The following ALG9 variants were observed in gnomAD, a reference collection of about 807,000 sequenced individuals.
ALG9 encodes the protein ALG9 alpha-1,2-mannosyltransferase.
ALG9 carries 55 observed loss-of-function variants against 81.8 expected under a neutral mutation model. The ratio of observed to expected loss-of-function variants is 0.67; its 90% confidence interval spans 0.54 to 0.84. ALG9 has a LOEUF of 0.84. Ranked by LOEUF, ALG9 falls within the 40% of genes least tolerant of loss-of-function variation. The pLI is 0.00. For missense variants in ALG9, 629 were observed against 745.0 expected, an observed-to-expected ratio of 0.84 and a Z score of 1.81; for synonymous variants, 278 against 274.3, an observed-to-expected ratio of 1.01 and a Z score of -0.13.
intron 14 of ALG9, among the ~76,000 whole-genome samples, chr11:111,809,140 A>G (rs1003509552): frequency 1.3e-5 from 2 of 152,200 alleles, no homozygotes; most frequent in Non-Finnish European, 2.9e-5. Flanking sequence ...CTTTACTTGG[A>G]TGCTTTCACT....
intron 8 of ALG9, among the ~76,000 whole-genome samples, chr11:111,846,030 C>A (rs1156860398): frequency 6.6e-6 from 1 of 152,216 alleles, no homozygotes; most frequent in Non-Finnish European, 1.5e-5. Flanking sequence ...TCATTAGGGA[C>A]ATTTTAATCT....
At chr11:111,835,743 T>A (rs1306776861) in intron 13 of ALG9, among the ~76,000 whole-genome samples, 1 of 152,174 alleles carries the variant, frequency 6.6e-6, no homozygotes, top group African/African-American at 2.4e-5. Flanking sequence ...ATACCCCTCA[T>A]CCTAAAAAAT....
chr11:111,817,246 A>G (rs1951627390), intron 13 of ALG9: 1 of 152,214 alleles, frequency 6.6e-6, no homozygotes, highest in Non-Finnish European at 1.5e-5. Context: ...TTAGAAAGAG[A>G]GGCCTATACT....
At chr11:111,858,320 A>G (rs1959038809) in intron 5 of ALG9, among the ~76,000 whole-genome samples, 1 of 151,802 alleles carries the variant, frequency 6.6e-6, no homozygotes, top group Non-Finnish European at 1.5e-5. Context: ...CAAATCAAAA[A>G]CTCATAGAAT....
Position 111,827,221 on chromosome 11 carries a change from A to C in ALG9, c.1602+8944T>G, listed in dbSNP as rs538387205. 1.1e-4 allele frequency among the ~76,000 whole-genome samples: 16 copies of C among 152,334 alleles called. 1 individual carries two copies. In the East Asian group the frequency reaches 3.1e-3, roughly 29 times the overall value. On this transcript the variant is annotated intron_variant, in intron 13 of 14. Coordinates refer to ENST00000616540, the MANE Select transcript of ALG9 (RefSeq NM_024740.2). ...GGTGGGCACAGTGGCTCACACCTGT[A>C]ATCCCAGCACTCTGGAAGGCTGAGG...
chr11:111,861,570 C>T (rs1298966030), intron 4 of ALG9, among the ~76,000 whole-genome samples: 1 of 152,134 alleles, frequency 6.6e-6, no homozygotes, highest in East Asian at 1.9e-4. Context: ...CTCCAGTGTT[C>T]AATGGAACCT....
chr11:111,838,585 G>A (rs971698548), intron 10 of ALG9, among the ~76,000 whole-genome samples, 186 bp from the exon 11 acceptor site: 5 of 152,138 alleles, frequency 3.3e-5, no homozygotes, highest in African/African-American at 9.7e-5. Flanking sequence ...GCCAGGCAGA[G>A]GGCTTGCCAA....
At position 111,853,671 on chromosome 11, in the gene ALG9, A is replaced by G; in HGVS notation, c.767T>C (p.Leu256Pro). ...CACCAGAAATAGTATGAGGGCCATC[A>G]GCGACCAATGAAAGAAACTCTTCCA... ...HRWKSFFHWS[L>P]MALILFLVPV... Residue 256 changes from leucine (L) to proline (P), a missense_variant, in exon 7 of 15, where the codon CTG (leucine) becomes CCG (proline). By Grantham distance (98) the Leu-to-Pro change is moderately conservative. Around this residue, in one of 3 missense-constraint regions of ALG9, gnomAD observed 344 missense variants for 390.5 expected, o/e 0.88. Transcript: ENST00000616540. The G allele has an allele frequency of 6.2e-7, 1 of 1,614,208 alleles. No individual in the cohort carries two copies. Among genetic ancestry groups the G allele is most frequent in the African/African-American group, 1.3e-5 (1 of 75,076 alleles).
At chr11:111,810,193 G>A (rs1324442801) in intron 13 of ALG9, among the ~76,000 whole-genome samples, 2 of 152,172 alleles carry the variant, frequency 1.3e-5, no homozygotes, top group Non-Finnish European at 2.9e-5. Flanking sequence ...TCTCCTCACA[G>A]CCATGGGAGG....
the ALG9 span, chr11:111,769,054 G>GT: frequency 1 from 150,690 of 150,690 alleles, 75,345 homozygotes; most frequent in Non-Finnish European, 1. Context: ...TATGTAAAAA[G>GT]TCACCTGGGG....
chr11:111,853,469 A>G lies in ALG9; in HGVS notation c.806T>C (p.Ile269Thr), dbSNP rs1555140728. Residue 269 changes from isoleucine to threonine, a missense_variant, in exon 8 of 15, where the codon ATT becomes ACT. By Grantham distance (89) the Ile-to-Thr change is moderately conservative. This residue lies in a region of ALG9 where 344 missense variants were observed against 390.5 expected (regional missense o/e 0.88). Transcript: ENST00000616540. ...CAACTTCCCATAATAGTAGCTGTCAATGACCACCACAGGCACCTAAAACAG... is the reference window on the plus strand; with the variant it reads ...CAACTTCCCATAATAGTAGCTGTCAGTGACCACCACAGGCACCTAAAACAG... ...LILFLVPVVV[I>T]DSYYYGKLVI... 8 of 1,614,006 alleles carry G rather than the reference A, an allele frequency of 5.0e-6. No homozygotes were observed. Among genetic ancestry groups the G allele is most frequent in the East Asian group, 2.2e-5 (1 of 44,872 alleles).
At chr11:111,870,516 G>C (rs529284076) in intron 1 of ALG9, 146 bp from the exon 2 acceptor site, 231 of 1,140,454 alleles carry the variant, frequency 2.0e-4, no homozygotes, top group Admixed American at 1.7e-3. Flanking sequence ...TGAATAGCTA[G>C]TTGTTTTTTC....
intron 14 of ALG9, among the ~76,000 whole-genome samples, chr11:111,792,066 G>A (rs1204709162): frequency 2.6e-5 from 4 of 152,224 alleles, no homozygotes; most frequent in African/African-American, 9.6e-5. Flanking sequence ...CTGGGTGACA[G>A]GGCGAGACTC....
At chr11:111,810,376 CA>C (rs1358433450) in intron 13 of ALG9, among the ~76,000 whole-genome samples, 2 of 152,088 alleles carry the variant, frequency 1.3e-5, no homozygotes, top group African/African-American at 4.8e-5. Context: ...TGTATATTAA[CA>C]AAAACAGAGT....
intron 8 of ALG9, among the ~76,000 whole-genome samples, chr11:111,852,639 T>C (rs1555139637): frequency 6.6e-6 from 1 of 152,008 alleles, no homozygotes; most frequent in East Asian, 1.9e-4. Context: ...TGTGTGTATA[T>C]ATAGAAAATG....
the ALG9 span, among the ~76,000 whole-genome samples, chr11:111,776,942 T>G: frequency 3.3e-5 from 5 of 152,226 alleles, no homozygotes; most frequent in Non-Finnish European, 7.3e-5. Context: ...TTCCCTTGAG[T>G]TACTGTGCCA....
chr11:111,833,419 T>C (rs1954714984), intron 13 of ALG9, among the ~76,000 whole-genome samples: 1 of 152,210 alleles, frequency 6.6e-6, no homozygotes, highest in Non-Finnish European at 1.5e-5. Flanking sequence ...AACATTATTT[T>C]TGCAATATAG....
intron 14 of ALG9, among the ~76,000 whole-genome samples, chr11:111,789,350 C>T (rs569824640): frequency 6.6e-6 from 1 of 152,020 alleles, no homozygotes; most frequent in South Asian, 2.1e-4. Context: ...CTCCTGAGCT[C>T]AAGCAATCCT....
At chr11:111,851,685 C>A (rs1252889243) in intron 8 of ALG9, among the ~76,000 whole-genome samples, 4 of 152,148 alleles carry the variant, frequency 2.6e-5, no homozygotes, top group African/African-American at 7.2e-5. Context: ...GTGTTTCTAA[C>A]AGGCTCTCTG....
Sources: allele counts gnomAD v4.1 joint callset (sites outside exome capture counted in the v4.1 genomes callset), GRCh38; gene constraint gnomAD v4.1.1; regional missense constraint gnomAD v4.1.1; transcripts MANE v1.5; gene names NCBI Gene and HGNC (gene_info 2026-07-23, HGNC 2026-07-21).